Variants in GRM4 observed in about 807,000 individuals in gnomAD.
GRM4 encodes the protein metabotropic glutamate receptor 4.
A neutral mutation model predicts 81.7 loss-of-function variants in GRM4; 28 were observed. The ratio of observed to expected loss-of-function variants is 0.34; its 90% CI spans 0.25 to 0.47. The LOEUF (loss-of-function observed/expected upper bound fraction) is 0.47. Ranked by LOEUF, GRM4 falls within the 20% of genes least tolerant of loss-of-function variation. GRM4 has a pLI of 1.00. For synonymous variants in GRM4, 488 were observed against 528.8 expected (o/e 0.92, Z 1.06); for missense variants, 948 against 1,290.0 (o/e 0.73, Z 4.06).
intron 8 of GRM4, among the ~76,000 whole-genome samples, chr6:34,037,908 A>C (rs2079379663): frequency 6.6e-6 from 1 of 151,904 alleles, no homozygotes; most frequent in South Asian, 2.1e-4. Flanking sequence ...AAGGTGGGTA[A>C]GTAGGGATGC....
chr6:34,056,141 A>G, intron 6 of GRM4: 1 of 183,826 alleles, frequency 5.4e-6, no homozygotes, highest in Admixed American at 5.7e-5. Flanking sequence ...GGCACGGCCT[A>G]GGAGCCAAAC....
chr6:34,125,861 G>A (rs967770411), intron 2 of GRM4, among the ~76,000 whole-genome samples: 1 of 152,216 alleles, frequency 6.6e-6, no homozygotes, highest in Non-Finnish European at 1.5e-5. Context: ...CCCCTCAGGA[G>A]AACTGCCCCT....
intron 2 of GRM4, among the ~76,000 whole-genome samples, chr6:34,094,280 T>G (rs1768397098): frequency 6.6e-6 from 1 of 152,180 alleles, no homozygotes; most frequent in Admixed American, 6.5e-5. Flanking sequence ...ACCTTTCACC[T>G]TCTACCCTTT....
At position 34,070,792 on chromosome 6, in the gene GRM4, CCA is replaced by C. The variant is rs34256571; in HGVS notation, c.737-8766_737-8765del. ...CACCACACCCCCGCCACACCCCCAGCCACACACACACACACACACACACACAC... is the reference window on the plus strand; with the variant it reads ...CACCACACCCCCGCCACACCCCCAGCCACACACACACACACACACACACAC... On this transcript the variant is annotated intron_variant, in intron 3 of 10. Coordinates refer to ENST00000538487, the MANE Select transcript of GRM4 (RefSeq NM_000841.4). The surrounding 1 kb of genome is among the most constrained non-coding windows in gnomAD (Gnocchi z 4.6). 0.46 allele frequency among the ~76,000 whole-genome samples: 61,899 copies of C among 134,928 alleles called. 14,191 individuals carry two copies. The highest frequency in any genetic ancestry group is 0.49 in the Non-Finnish European group (31,274 of 63,494). The allele number at this position is 134,928 out of a possible 152,430, so 88.5% of individuals were successfully genotyped here.
chr6:34,051,812 C>T (rs1032718809), intron 6 of GRM4, among the ~76,000 whole-genome samples: 1 of 152,276 alleles, frequency 6.6e-6, no homozygotes, highest in Admixed American at 6.5e-5. Context: ...AGGTAGCACT[C>T]TGCTGGGGAT....
intron 2 of GRM4, among the ~76,000 whole-genome samples, chr6:34,125,999 C>T (rs1392094589): frequency 6.6e-6 from 1 of 152,248 alleles, no homozygotes; most frequent in East Asian, 1.9e-4. Flanking sequence ...CTCCTGAGGG[C>T]TTTGGGCACA....
chr6:34,096,900 T>G (rs1167952215), intron 2 of GRM4, among the ~76,000 whole-genome samples: 1 of 150,580 alleles, frequency 6.6e-6, no homozygotes, highest in Non-Finnish European at 1.5e-5. Flanking sequence ...TGAAGATGGA[T>G]TCCAAGTACA....
rs1271065210 is a variant in GRM4 at position 34,035,609 on chromosome 6, C to T, written c.2442+59G>A. Reference sequence around the variant, plus strand: ...GGGGAGGCCAGCCAGCCTCAGGAGGCTGCCCCTTGCTCACTGCCCTCACCT... The same window carrying T: ...GGGGAGGCCAGCCAGCCTCAGGAGGTTGCCCCTTGCTCACTGCCCTCACCT... On this transcript the variant is annotated intron_variant, in intron 9 of 10. Transcript: ENST00000538487. This position sits in a 1 kb window ranked among gnomAD's most constrained non-coding sequence, Gnocchi z 6.6. 3 of 1,048,858 alleles carry T rather than the reference C, an allele frequency of 2.9e-6. No homozygotes were observed. The highest frequency in any genetic ancestry group is 1.9e-5 in the African/African-American group (1 of 54,032). The allele number at this position is 1,048,858 out of a possible 1,614,324, so 65.0% of individuals were successfully genotyped here.
chr6:34,067,844 C>A (rs1766566716), intron 3 of GRM4, among the ~76,000 whole-genome samples: 1 of 152,188 alleles, frequency 6.6e-6, no homozygotes, highest in South Asian at 2.1e-4. Context: ...GCCACACCCC[C>A]ACCGCACAAC....
chr6:34,019,724 A>C lies in GRM4; in HGVS notation c.*3097T>G, dbSNP rs1469356210. On this transcript the variant is annotated 3_prime_UTR_variant, in exon 11 of 11. Transcript: ENST00000538487. The stretch of plus-strand genomic sequence containing the variant: ...TGGCTCCCTATCCAGGGTGCCAGGG[A>C]CCCTGAACCCCCCATCTTGTTGAAA... 1 of 152,182 alleles carries C rather than the reference A, an allele frequency of 6.6e-6. No individual in the cohort carries two copies. The highest frequency in any genetic ancestry group is 2.4e-5 in the African/African-American group (1 of 41,438). 9.4% of individuals were successfully genotyped at this position (152,182 alleles called of 1,614,324 possible). A position where few individuals can be genotyped will look rare whatever the true frequency, so the allele number is the denominator to read the frequency against.
intron 1 of GRM4, among the ~76,000 whole-genome samples, chr6:34,141,841 G>A (rs928582268): frequency 6.6e-6 from 1 of 152,188 alleles, no homozygotes; most frequent in Non-Finnish European, 1.5e-5. Context: ...GAAGCCCCCA[G>A]GGCAGGCAGG....
intron 3 of GRM4, among the ~76,000 whole-genome samples, chr6:34,072,919 GATAC>G (rs1287260158): frequency 1.4e-4 from 5 of 36,110 alleles, no homozygotes; most frequent in Admixed American, 7.7e-4. Flanking sequence ...TCACCACACA[GATAC>G]ATACACACAA....
chr6:34,059,312 T>TA lies in GRM4; in HGVS notation c.873-185dup. ...CCTACCCGCTGCCCTCACCTGCTCA[T>TA]AGACCCATGGCTACCGCCTCATCCA... is the stretch of plus-strand genomic sequence containing the variant. On this transcript the variant is annotated intron_variant, in intron 4 of 10. Transcript: ENST00000538487. This position sits in a 1 kb window ranked among gnomAD's most constrained non-coding sequence, Gnocchi z 5.7. 1.6e-6 allele frequency: 1 copy of TA among 623,102 alleles called. No homozygotes were observed. The highest frequency in any genetic ancestry group is 2.8e-6 in the Non-Finnish European group (1 of 352,952). 38.6% of individuals were successfully genotyped at this position (623,102 alleles called of 1,614,324 possible).
chr6:34,056,443 C>G (rs1037863943), intron 6 of GRM4, 101 bp downstream of exon 6: 11 of 1,119,628 alleles, frequency 9.8e-6, no homozygotes, highest in African/African-American at 3.1e-5. Flanking sequence ...CACGGCCGGC[C>G]GACGACAGAC....
intron 2 of GRM4, chr6:34,102,079 G>A: frequency 6.5e-7 from 1 of 1,535,438 alleles, no homozygotes; most frequent in Non-Finnish European, 8.7e-7. Context: ...TTTTTCTCTT[G>A]GCGCCATCAT....
intron 2 of GRM4, among the ~76,000 whole-genome samples, chr6:34,119,403 A>AAGAG (rs3041247): frequency 0.61 from 92,925 of 151,372 alleles, 28,658 homozygotes; most frequent in Admixed American, 0.69. Flanking sequence ...GAAAGAAAGA[A>AAGAG]AGAGAGAGAG....
rs1173420987 is a variant in GRM4 at position 34,130,969 on chromosome 6, G to T, written c.519+2009C>A. Among the ~76,000 whole-genome samples, 1 of 152,374 alleles carries T rather than the reference G, an allele frequency of 6.6e-6. No homozygotes were observed. Among genetic ancestry groups the T allele is most frequent in the East Asian group, 1.9e-4 (1 of 5,186 alleles). On this transcript the variant is annotated intron_variant, in intron 2 of 10. Coordinates refer to ENST00000538487, the MANE Select transcript of GRM4 (RefSeq NM_000841.4). The surrounding 1 kb of genome is among the most constrained non-coding windows in gnomAD (Gnocchi z 4.1). Reference sequence around the variant, plus strand: ...CACCCTGCCAGGCTGACAAGGAGGAGTCCAAGGCTTGTCCCCTCTGCTGGA... The same window carrying T: ...CACCCTGCCAGGCTGACAAGGAGGATTCCAAGGCTTGTCCCCTCTGCTGGA...
At chr6:34,023,272 A>G (rs1291585657) in intron 10 of GRM4, among the ~76,000 whole-genome samples, 2 of 152,186 alleles carry the variant, frequency 1.3e-5, no homozygotes, top group Non-Finnish European at 1.5e-5. Flanking sequence ...ACCACCCTTC[A>G]AAAGAAACCT....
intron 3 of GRM4, among the ~76,000 whole-genome samples, chr6:34,081,677 C>G (rs1440803050): frequency 6.6e-6 from 1 of 152,178 alleles, no homozygotes. Flanking sequence ...CTGGACATCC[C>G]CGCCCCAGGG....
Sources: allele counts gnomAD v4.1 joint callset (sites outside exome capture counted in the v4.1 genomes callset), GRCh38; gene constraint gnomAD v4.1.1; non-coding constraint Gnocchi (gnomAD v3.1); transcripts MANE v1.5; gene names NCBI Gene and HGNC (gene_info 2026-07-23, HGNC 2026-07-21).